TMED3: variants seen among roughly 807,000 people sequenced by gnomAD.
TMED3 encodes the protein transmembrane emp24 domain-containing protein 3.
TMED3 carries 9 observed loss-of-function variants against 15.0 expected under a neutral mutation model. That is an observed-to-expected ratio of 0.60 (90% CI 0.36 to 1.04). The LOEUF is 1.04. Ranked by LOEUF, TMED3 falls within the 50% of genes least tolerant of loss-of-function variation. The pLI, the probability that TMED3 is intolerant of heterozygous loss-of-function variation, is 0.01. For missense variants in TMED3, 267 were observed against 278.9 expected (o/e 0.96, Z 0.30); for synonymous variants, 117 against 121.4 (o/e 0.96, Z 0.24).
At chr15:79,387,193 T>G (rs1485745868) in intron 2 of TMED3, among the ~76,000 whole-genome samples, 5 of 152,206 alleles carry the variant, frequency 3.3e-5, no homozygotes, top group Admixed American at 3.3e-4. Context: ...CCTTTTATAT[T>G]TAAGTCTATA....
intron 2 of TMED3, among the ~76,000 whole-genome samples, chr15:79,331,803 T>C (rs1187058643): frequency 6.6e-6 from 1 of 152,164 alleles, no homozygotes; most frequent in Non-Finnish European, 1.5e-5. Flanking sequence ...GAAAATATGC[T>C]CAACATCACT....
chr15:79,342,607 G>C (rs912576284), intron 2 of TMED3, among the ~76,000 whole-genome samples: 3 of 152,090 alleles, frequency 2.0e-5, no homozygotes, highest in Non-Finnish European at 4.4e-5. Flanking sequence ...TAAAATTGTT[G>C]CATGGTAAAG....
intron 2 of TMED3, among the ~76,000 whole-genome samples, chr15:79,350,144 G>A (rs908787791): frequency 6.6e-6 from 1 of 152,188 alleles, no homozygotes; most frequent in African/African-American, 2.4e-5. Context: ...GTTGAAGGAT[G>A]AATAGATGGA....
intron 2 of TMED3, among the ~76,000 whole-genome samples, chr15:79,399,003 A>C (rs1351621444): frequency 1.3e-5 from 2 of 152,074 alleles, no homozygotes; most frequent in African/African-American, 2.4e-5. Flanking sequence ...CTCCGCCTCC[A>C]GGGTTCAAGC....
intron 2 of TMED3, among the ~76,000 whole-genome samples, chr15:79,350,145 A>G (rs2058886309): frequency 6.6e-6 from 1 of 152,160 alleles, no homozygotes; most frequent in Non-Finnish European, 1.5e-5. Flanking sequence ...TTGAAGGATG[A>G]ATAGATGGAT....
intron 2 of TMED3, among the ~76,000 whole-genome samples, chr15:79,354,677 A>G (rs910484193): frequency 4.0e-5 from 6 of 151,662 alleles, no homozygotes; most frequent in Non-Finnish European, 5.9e-5. Context: ...AAAAAAGGGG[A>G]CTCTTTGCAG....
intron 2 of TMED3, among the ~76,000 whole-genome samples, chr15:79,367,823 G>C (rs1893265545): frequency 6.6e-6 from 1 of 152,206 alleles, no homozygotes; most frequent in Admixed American, 6.5e-5. Flanking sequence ...CTTGAAACAG[G>C]GTCTTACAGA....
intron 2 of TMED3, among the ~76,000 whole-genome samples, chr15:79,402,801 T>A (rs1893851096): frequency 6.7e-6 from 1 of 149,508 alleles, no homozygotes; most frequent in African/African-American, 2.5e-5. Flanking sequence ...AAAATAAAAA[T>A]AAAAAAATAA....
chr15:79,404,665 CTT>C (rs1177403876), intron 2 of TMED3, among the ~76,000 whole-genome samples: 2 of 152,358 alleles, frequency 1.3e-5, no homozygotes, highest in East Asian at 3.9e-4. Context: ...CTTTAGGCCT[CTT>C]TACCAATCAG....
chr15:79,322,970 A>T (rs555576188), downstream of TMED3: 1 of 903,652 alleles, frequency 1.1e-6, no homozygotes, highest in Non-Finnish European at 1.3e-6. Flanking sequence ...CTGTGCAGAG[A>T]TGTATAGAGT....
intron 2 of TMED3, among the ~76,000 whole-genome samples, chr15:79,333,134 C>T (rs1244576016): frequency 1.3e-5 from 2 of 152,186 alleles, no homozygotes; most frequent in East Asian, 1.9e-4. Flanking sequence ...AACCAAAAGT[C>T]GGAGTGCATC....
At chr15:79,385,574 C>T (rs1353697203) in intron 2 of TMED3, among the ~76,000 whole-genome samples, 1 of 152,126 alleles carries the variant, frequency 6.6e-6, no homozygotes, top group South Asian at 2.1e-4. Flanking sequence ...CTGGCTCCTG[C>T]CTGCTCCCTG....
At chr15:79,333,352 T>A (rs760202286) in intron 2 of TMED3, among the ~76,000 whole-genome samples, 13 of 152,230 alleles carry the variant, frequency 8.5e-5, no homozygotes, top group Non-Finnish European at 1.9e-4. Flanking sequence ...ACTAGAATGT[T>A]GTTAACTCCT....
intron 2 of TMED3, among the ~76,000 whole-genome samples, chr15:79,320,053 G>A (rs1254187065): frequency 6.6e-6 from 1 of 152,136 alleles, no homozygotes; most frequent in African/African-American, 2.4e-5. Flanking sequence ...AACTCCACTG[G>A]GAAAAGGGAG....
At position 79,313,956 on chromosome 15, in the gene TMED3, A is replaced by G; in HGVS notation, c.368A>G (p.Glu123Gly). 1 of 1,614,180 alleles carries G rather than the reference A, an allele frequency of 6.2e-7. No homozygotes were observed. ...TVYFDFQVGD[E>G]PPILPDMGNR... ...TACTTTGACTTTCAAGTGGGCGATG[A>G]GCCTCCCATTCTCCCAGACATGGGG... is the stretch of plus-strand genomic sequence containing the variant. Residue 123 changes from glutamate (E) to glycine (G), a missense_variant, in exon 2 of 3, where the codon GAG (glutamate) becomes GGG (glycine). Physicochemically the swap from Glu to Gly is moderately conservative, Grantham distance 98. This residue lies in a region of TMED3 where 139 missense variants were observed against 125.0 expected (regional missense o/e 1.11). Transcript: ENST00000299705.
At chr15:79,321,906 G>A in intron 2 of TMED3, 72 bp from the exon 3 acceptor site, 2 of 1,549,378 alleles carry the variant, frequency 1.3e-6, no homozygotes, top group Non-Finnish European at 1.8e-6. Context: ...GTTGACAACA[G>A]CATTTGCTGT....
In TMED3 at chr15:79,330,067, A is replaced by G. The variant is rs544993199; in HGVS notation, c.417+16062A>G. On this transcript the variant is annotated intron_variant, in intron 2 of 2. Transcript: ENST00000424155. ...ACCCCAAGAAAGGCAATGACTAAAC[A>G]GCTAAGGTTTAACTAACATCATATT... is the stretch of plus-strand genomic sequence containing the variant. Among the ~76,000 whole-genome samples the G allele has an allele frequency of 1.8e-4, 28 of 152,338 alleles. No homozygotes were observed. The East Asian group carries it at 5.4e-3, about 29-fold the overall frequency.
chr15:79,392,352 T>G (rs1405258440), intron 2 of TMED3, among the ~76,000 whole-genome samples: 1 of 152,210 alleles, frequency 6.6e-6, no homozygotes, highest in Non-Finnish European at 1.5e-5. Context: ...GTATCTTTCC[T>G]TCATATATGA....
At chr15:79,350,022 C>T (rs1170011899) in intron 2 of TMED3, among the ~76,000 whole-genome samples, 1 of 152,140 alleles carries the variant, frequency 6.6e-6, no homozygotes, top group African/African-American at 2.4e-5. Flanking sequence ...TCCAGTAGAA[C>T]ATAAACTGCA....
Sources: gnomAD v4.1 joint callset for allele counts (sites outside exome capture counted in the v4.1 genomes callset) on GRCh38, gnomAD v4.1.1 for gene constraint, gnomAD v4.1.1 regional missense constraint, MANE v1.5 for transcripts, NCBI Gene and HGNC (gene_info 2026-07-23, HGNC 2026-07-21) for gene names.